The following EPHB1 variants were observed in gnomAD, a reference collection of about 807,000 sequenced individuals.
EPHB1 encodes the protein ephrin type-B receptor 1.
Under a neutral mutation model 94.4 loss-of-function variants are expected in EPHB1, and 30 were observed. That is an observed-to-expected ratio of 0.32 (90% CI 0.24 to 0.43). EPHB1 has a LOEUF of 0.43. Ranked by LOEUF, EPHB1 falls within the 20% of genes least tolerant of loss-of-function variation. EPHB1 has a pLI of 1.00. For missense variants in EPHB1, 1,055 were observed against 1,308.3 expected, an observed-to-expected ratio of 0.81 and a Z score of 2.99; for synonymous variants, 522 against 489.1, an observed-to-expected ratio of 1.07 and a Z score of -0.89.
At chr3:135,183,056 TTCTTTCTTTCTTTCTTTCTTTC>T (rs1559865406) in intron 10 of EPHB1, among the ~76,000 whole-genome samples, 1 of 105,680 alleles carries the variant, frequency 9.5e-6, no homozygotes, top group East Asian at 4.1e-4. Flanking sequence ...CTTTCTTTCT[TTCTTTCTTTCTTTCTTTCTTTC>T]TCTTTCTCTC....
At chr3:134,961,243 G>C (rs1014860607) in intron 3 of EPHB1, among the ~76,000 whole-genome samples, 1 of 152,128 alleles carries the variant, frequency 6.6e-6, no homozygotes, top group Non-Finnish European at 1.5e-5. Flanking sequence ...GCTGCAAGTG[G>C]TGCTGTTGCT....
At chr3:135,126,103 C>G (rs114564103) in intron 4 of EPHB1, among the ~76,000 whole-genome samples, 1 of 152,156 alleles carries the variant, frequency 6.6e-6, no homozygotes, top group East Asian at 1.9e-4. Context: ...ACCATCCATA[C>G]GCCTGATATC....
rs40619 is a variant in EPHB1, at chr3:134,976,556, C to T, written c.805+24504C>T. ...CATTCTTGCTCTCCTTTTTATCTAG[C>T]GAGCTTCTCTGGTGTTGCATCTCAG... On this transcript the variant is annotated intron_variant, in intron 3 of 15. Coordinates refer to ENST00000398015, the MANE Select transcript of EPHB1 (RefSeq NM_004441.5). Among the ~76,000 whole-genome samples the T allele has an allele frequency of 5.8e-3, 885 of 152,292 alleles. 7 individuals are homozygous for T. The highest frequency in any genetic ancestry group is 0.02 in the African/African-American group (823 of 41,560).
intron 12 of EPHB1, among the ~76,000 whole-genome samples, chr3:135,239,409 T>G (rs901946122): frequency 6.6e-6 from 1 of 152,166 alleles, no homozygotes; most frequent in Non-Finnish European, 1.5e-5. Flanking sequence ...AAAAATATCC[T>G]CTTTCAGTGG....
In EPHB1 at chr3:134,812,031, C is replaced by T. The variant is rs573188733; in HGVS notation, c.58+16342C>T. Among the ~76,000 whole-genome samples, 7 of 152,288 alleles carry T rather than the reference C, an allele frequency of 4.6e-5. No homozygotes were observed. The South Asian group carries it at 8.3e-4, about 18-fold the overall frequency. On this transcript the variant is annotated intron_variant, in intron 1 of 15. Coordinates refer to ENST00000398015, the MANE Select transcript of EPHB1 (RefSeq NM_004441.5). ...AAGCATTTCAGGATTTTAACAAGTA[C>T]GGACGGCTATGCCAGTGCCTACTCG...
chr3:134,803,616 T>C (rs565628703), intron 1 of EPHB1, among the ~76,000 whole-genome samples: 1 of 152,242 alleles, frequency 6.6e-6, no homozygotes, highest in Non-Finnish European at 1.5e-5. Flanking sequence ...ATTTGTCATG[T>C]GCTGGTCCCT....
chr3:134,901,525 G>A (rs1347432521), intron 1 of EPHB1, among the ~76,000 whole-genome samples: 1 of 152,250 alleles, frequency 6.6e-6, no homozygotes, highest in Non-Finnish European at 1.5e-5. Flanking sequence ...GCTTGGGCAG[G>A]TTTGGGCCCA....
intron 3 of EPHB1, among the ~76,000 whole-genome samples, chr3:135,082,510 G>T (rs145052290): frequency 2.6e-5 from 4 of 152,202 alleles, no homozygotes; most frequent in Non-Finnish European, 5.9e-5. Flanking sequence ...TAAGTCTTGA[G>T]AGGATCTATA....
intron 3 of EPHB1, among the ~76,000 whole-genome samples, chr3:135,039,451 A>T (rs1936758893): frequency 6.6e-6 from 1 of 152,176 alleles, no homozygotes; most frequent in Non-Finnish European, 1.5e-5. Context: ...TGGGTGGTCG[A>T]TGGGACTGGG....
intron 3 of EPHB1, among the ~76,000 whole-genome samples, chr3:135,103,180 T>C (rs1939094648): frequency 6.6e-6 from 1 of 152,198 alleles, no homozygotes; most frequent in Non-Finnish European, 1.5e-5. Flanking sequence ...TAAATGAATT[T>C]AGGAATGCTG....
chr3:135,140,293 A>C (rs1464630518), intron 5 of EPHB1, among the ~76,000 whole-genome samples: 1 of 152,172 alleles, frequency 6.6e-6, no homozygotes, highest in South Asian at 2.1e-4. Flanking sequence ...TCCATCCTCC[A>C]TGCTCCTGTG....
In EPHB1 at chr3:134,795,275, G is replaced by A. The variant is rs2035797082; in HGVS notation, c.-357G>A. 3 of 387,784 alleles carry A rather than the reference G, an allele frequency of 7.7e-6. No individual in the cohort carries two copies. Among genetic ancestry groups the A allele is most frequent in the South Asian group, 4.0e-5 (1 of 25,006 alleles). 24.0% of individuals were successfully genotyped at this position (387,784 alleles called of 1,614,324 possible). A position where few individuals can be genotyped will look rare whatever the true frequency, so the allele number is the denominator to read the frequency against. On this transcript the variant is annotated 5_prime_UTR_variant, in exon 1 of 16. Transcript: ENST00000398015. ...CTCCCGCGTCAGTCTGGCCGGCTCC[G>A]TCCTCCCGTAGGCTCCGCTGTAGCT...
chr3:134,953,603 C>T (rs926655403), intron 3 of EPHB1, among the ~76,000 whole-genome samples: 4 of 152,284 alleles, frequency 2.6e-5, no homozygotes, highest in South Asian at 2.1e-4. Context: ...AGCAGCTTCC[C>T]GGCATGCTTG....
intron 12 of EPHB1, among the ~76,000 whole-genome samples, chr3:135,237,248 C>T (rs1392785467): frequency 1.3e-5 from 2 of 151,142 alleles, no homozygotes; most frequent in Non-Finnish European, 2.9e-5. Context: ...AATTCGCTGC[C>T]AGATATCTTC....
intron 3 of EPHB1, among the ~76,000 whole-genome samples, chr3:135,073,615 T>A (rs1172911345): frequency 6.6e-6 from 1 of 152,230 alleles, no homozygotes; most frequent in Non-Finnish European, 1.5e-5. Flanking sequence ...TCTCTGAATA[T>A]CATCAAATAT....
chr3:134,986,454 C>T lies in EPHB1; in HGVS notation c.805+34402C>T, dbSNP rs73864214. 5.2e-3 allele frequency among the ~76,000 whole-genome samples: 785 copies of T among 152,252 alleles called. 6 individuals carry two copies. The highest frequency in any genetic ancestry group is 0.018 in the African/African-American group (755 of 41,536). ...TGTCTGTGTGCGTGGCATGGACCAT[C>T]CCAGCCAACATGCGGCTGATTCCAG... On this transcript the variant is annotated intron_variant, in intron 3 of 15. Coordinates refer to ENST00000398015, the MANE Select transcript of EPHB1 (RefSeq NM_004441.5).
chr3:135,154,418 G>A, intron 6 of EPHB1, 142 bp downstream of exon 6: 2 of 1,190,646 alleles, frequency 1.7e-6, no homozygotes, highest in South Asian at 3.1e-5. Flanking sequence ...CCCTGGGAGA[G>A]TTCTCCAGGT....
At chr3:134,819,150 G>A (rs2036331878) in intron 1 of EPHB1, among the ~76,000 whole-genome samples, 1 of 152,226 alleles carries the variant, frequency 6.6e-6, no homozygotes, top group Admixed American at 6.5e-5. Flanking sequence ...TTTGCTGTAT[G>A]CAGAGGTGAA....
At chr3:134,872,114 A>G (rs1457264105) in intron 1 of EPHB1, among the ~76,000 whole-genome samples, 2 of 152,128 alleles carry the variant, frequency 1.3e-5, no homozygotes, top group African/African-American at 4.8e-5. Context: ...TCCCTCTGGT[A>G]CATTCTGTTT....
Sources: gnomAD v4.1 joint callset for allele counts (sites outside exome capture counted in the v4.1 genomes callset) on GRCh38, gnomAD v4.1.1 for gene constraint, MANE v1.5 for transcripts, NCBI Gene and HGNC (gene_info 2026-07-23, HGNC 2026-07-21) for gene names.